The following LARP4 variants were observed in gnomAD, a reference collection of about 807,000 sequenced individuals.
LARP4 encodes La ribonucleoprotein 4, also known as la-related protein 4.
Under a neutral mutation model 92.9 loss-of-function variants are expected in LARP4, and 29 were observed. The ratio of observed to expected loss-of-function variants is 0.31; its 90% CI spans 0.23 to 0.43. The LOEUF (loss-of-function observed/expected upper bound fraction) is 0.43, where lower values mean the gene tolerates loss of function less well. LARP4 is among the 20% of genes least tolerant of loss of function. The pLI is 1.00. For missense variants in LARP4, 732 were observed against 860.0 expected (o/e 0.85, Z 1.86); for synonymous variants, 279 against 284.1 (o/e 0.98, Z 0.18).
intron 8 of LARP4, among the ~76,000 whole-genome samples, chr12:50,442,829 A>G (rs1459695191): frequency 1.3e-5 from 2 of 152,226 alleles, no homozygotes; most frequent in African/African-American, 2.4e-5. Flanking sequence ...AGTGACTTAC[A>G]TTTATTAAGA....
In LARP4 at chr12:50,461,216, C is replaced by T. The variant is rs548080211; in HGVS notation, c.1203C>T (p.Asn401=). The T allele has an allele frequency of 2.5e-6, 4 of 1,614,084 alleles. No individual in the cohort carries two copies. The highest frequency in any genetic ancestry group is 2.7e-5 in the African/African-American group (2 of 75,038). The stretch of plus-strand genomic sequence containing the variant: ...TATCCTTGGGGGATGGACAGTTGAA[C>T]AGATATAGTTCAAGAAACTTTCCAG... The part of the protein sequence containing the change: ...GSVSLGDGQL[N]RYSSRNFPAE... Residue 401 remains asparagine (N), a synonymous_variant, in exon 11 of 16, where the codon AAC becomes AAT. Transcript: ENST00000398473.
intron 8 of LARP4, among the ~76,000 whole-genome samples, chr12:50,451,663 C>T (rs1489776546): frequency 6.6e-6 from 1 of 152,098 alleles, no homozygotes; most frequent in Non-Finnish European, 1.5e-5. Flanking sequence ...GGTGAAACCC[C>T]GTCTCTACTA....
chr12:50,427,697 A>C (rs1949004996), intron 1 of LARP4, 65 bp from the exon 2 acceptor site: 1 of 1,092,022 alleles, frequency 9.2e-7, no homozygotes. Context: ...AAGTGATTTT[A>C]TCTGAATCTG....
intron 4 of LARP4, among the ~76,000 whole-genome samples, 179 bp downstream of exon 4, chr12:50,430,749 C>T (rs1045975671): frequency 2.0e-5 from 3 of 151,602 alleles, no homozygotes; most frequent in Non-Finnish European, 4.4e-5. Context: ...CAGCCTCCGC[C>T]TCCAGGGTTC....
chr12:50,459,108 C>T (rs1326203645), intron 10 of LARP4, among the ~76,000 whole-genome samples: 2 of 152,132 alleles, frequency 1.3e-5, no homozygotes, highest in African/African-American at 4.8e-5. Flanking sequence ...AAGAGATTCT[C>T]CTGCCTCAGC....
In LARP4 at chr12:50,467,867, T is replaced by TTA. The variant is rs1555172319; in HGVS notation, c.1545+747_1545+748insTA. Among the ~76,000 whole-genome samples, 6 of 151,990 alleles carry TTA rather than the reference T, an allele frequency of 3.9e-5. No individual in the cohort carries two copies. The East Asian group carries it at 7.7e-4, about 20-fold the overall frequency. The stretch of plus-strand genomic sequence containing the variant: ...CTTTATTCTAATTCAGTTTTTTTTT[T>TTA]AATTATAACAGTACATGTCTATAGT... On this transcript the variant is annotated intron_variant, in intron 13 of 15. Coordinates refer to ENST00000398473, the MANE Select transcript of LARP4 (RefSeq NM_052879.5).
Position 50,461,331 on chromosome 12 carries a change from G to A in LARP4, c.1318G>A (p.Asp440Asn), listed in dbSNP as rs1955341852. The change falls in exon 11 of 16, where the codon GAC becomes AAC. Residue 440 changes from aspartate to asparagine, a missense_variant. Coordinates refer to ENST00000398473, the MANE Select transcript of LARP4 (RefSeq NM_052879.5). ...CACTTTGCAGGTGGAACAGAATGGGGACTATGGTAGGGGCAGGTAAGAAAA... is the reference window on the plus strand; with the variant it reads ...CACTTTGCAGGTGGAACAGAATGGGAACTATGGTAGGGGCAGGTAAGAAAA... ...TSTLQVEQNG[D>N]YGRGRRTLFR... 5 of 1,613,840 alleles carry A rather than the reference G, an allele frequency of 3.1e-6. No individual in the cohort carries two copies. The highest frequency in any genetic ancestry group is 2.2e-5 in the East Asian group (1 of 44,888).
chr12:50,411,779 C>G (rs1945949958), intron 1 of LARP4, among the ~76,000 whole-genome samples: 1 of 152,100 alleles, frequency 6.6e-6, no homozygotes, highest in South Asian at 2.1e-4. Context: ...CCCCCGAGTT[C>G]AAGTGATTCT....
intron 8 of LARP4, among the ~76,000 whole-genome samples, chr12:50,448,428 T>G (rs1952583027): frequency 6.6e-6 from 1 of 152,166 alleles, no homozygotes; most frequent in Admixed American, 6.5e-5. Flanking sequence ...ATATTCCCAC[T>G]CATTTCTCTC....
In LARP4 at chr12:50,479,743, T is replaced by C. The variant is rs565816285; in HGVS notation, c.*3879T>C. ...TGTTGAAATATCCATATCAACTTGATTTTTTTAACCTAATTCAGGTGTCCT... is the reference window on the plus strand; with the variant it reads ...TGTTGAAATATCCATATCAACTTGACTTTTTTAACCTAATTCAGGTGTCCT... On this transcript the variant is annotated 3_prime_UTR_variant, in exon 16 of 16. Transcript: ENST00000398473. 6.6e-6 allele frequency: 1 copy of C among 152,296 alleles called. No homozygotes were observed. The highest frequency in any genetic ancestry group is 2.1e-4 in the South Asian group (1 of 4,824). The allele number at this position is 152,296 out of a possible 1,614,324, so 9.4% of individuals were successfully genotyped here.
chr12:50,419,336 G>A (rs1403697105), intron 1 of LARP4, among the ~76,000 whole-genome samples: 1 of 152,144 alleles, frequency 6.6e-6, no homozygotes, highest in Admixed American at 6.5e-5. Context: ...CTGCACTTCA[G>A]CCTGGGCAAC....
chr12:50,433,709 G>T (rs183443369), intron 4 of LARP4, among the ~76,000 whole-genome samples: 133 of 150,142 alleles, frequency 8.9e-4, no homozygotes, highest in South Asian at 4.6e-3. Context: ...GCACGATCTC[G>T]GCTCACTGCA....
chr12:50,443,303 C>G (rs115008472), intron 8 of LARP4, among the ~76,000 whole-genome samples: 1,563 of 152,170 alleles, frequency 0.01, 23 homozygotes, highest in African/African-American at 0.035. Flanking sequence ...GTTTCTTTCT[C>G]TCTGTCACCT....
chr12:50,447,221 A>G (rs891781955), intron 8 of LARP4, among the ~76,000 whole-genome samples: 3 of 152,208 alleles, frequency 2.0e-5, no homozygotes, highest in African/African-American at 7.2e-5. Context: ...GGGATACTCA[A>G]CTGGAAAATA....
At chr12:50,440,385 A>G in intron 6 of LARP4, 54 bp from the exon 7 acceptor site, 1 of 1,288,226 alleles carries the variant, frequency 7.8e-7, no homozygotes, top group Non-Finnish European at 1.1e-6. Flanking sequence ...CCAACAAAAA[A>G]TGCCAATTAT....
intron 1 of LARP4, among the ~76,000 whole-genome samples, chr12:50,423,347 T>G (rs989762846): frequency 6.6e-6 from 1 of 152,206 alleles, no homozygotes; most frequent in African/African-American, 2.4e-5. Context: ...ACTTACACAG[T>G]TATTTTGATA....
chr12:50,469,821 A>G (rs1436687447), intron 13 of LARP4, among the ~76,000 whole-genome samples: 3 of 151,886 alleles, frequency 2.0e-5, no homozygotes, highest in African/African-American at 4.8e-5. Context: ...AGGCAGAAGA[A>G]TCGCTTGAAC....
intron 13 of LARP4, among the ~76,000 whole-genome samples, chr12:50,472,823 C>CTT (rs779219895): frequency 1.4e-5 from 2 of 141,926 alleles, no homozygotes; most frequent in African/African-American, 2.6e-5. Flanking sequence ...CTATGTTTAA[C>CTT]TTTTTTTTTT....
chr12:50,435,125 C>T (rs753033784), intron 4 of LARP4, among the ~76,000 whole-genome samples: 2 of 152,166 alleles, frequency 1.3e-5, no homozygotes, highest in Admixed American at 6.5e-5. Flanking sequence ...CATGCATATT[C>T]TAATATCACT....
Sources: allele counts gnomAD v4.1 joint callset (sites outside exome capture counted in the v4.1 genomes callset), GRCh38; gene constraint gnomAD v4.1.1; transcripts MANE v1.5; gene names NCBI Gene and HGNC (gene_info 2026-07-23, HGNC 2026-07-21).